Variants in NCAM1 observed in about 807,000 individuals in gnomAD.
NCAM1 encodes neural cell adhesion molecule 1, also known as antigen recognized by monoclonal antibody 5.1H11.
NCAM1 carries 14 observed loss-of-function variants against 109.8 expected under a neutral mutation model. The observed-to-expected ratio is 0.13, with a 90% CI of 0.08 to 0.20. The LOEUF (loss-of-function observed/expected upper bound fraction) is 0.20. Ranked by LOEUF, NCAM1 falls within the 10% of genes least tolerant of loss-of-function variation. The pLI is 1.00. For synonymous variants in NCAM1, 418 were observed against 442.9 expected, an observed-to-expected ratio of 0.94 and a Z score of 0.70; for missense variants, 774 against 1,109.9, an observed-to-expected ratio of 0.70 and a Z score of 4.30.
intron 19 of NCAM1, chr11:113,272,873 G>A (rs996449728): frequency 7.7e-5 from 35 of 454,744 alleles, no homozygotes; most frequent in African/African-American, 3.4e-4. Context: ...CCTCCTCCTC[G>A]CTTCTCTGTC....
intron 1 of NCAM1, among the ~76,000 whole-genome samples, chr11:113,142,643 C>T (rs138235768): frequency 1.1e-3 from 163 of 152,270 alleles, no homozygotes; most frequent in Middle Eastern, 6.8e-3. Context: ...CTACCTTTGA[C>T]TGCAGTCCCC....
chr11:113,152,521 A>G (rs1009641766), intron 1 of NCAM1, among the ~76,000 whole-genome samples: 3 of 152,266 alleles, frequency 2.0e-5, no homozygotes, highest in Non-Finnish European at 4.4e-5. Flanking sequence ...TTGCCTTGGC[A>G]GGTAAGCACT....
intron 1 of NCAM1, among the ~76,000 whole-genome samples, chr11:113,093,147 G>A (rs912559407): frequency 6.6e-6 from 1 of 152,188 alleles, no homozygotes; most frequent in Non-Finnish European, 1.5e-5. Flanking sequence ...GAGTATCCAA[G>A]AGTGCAGTTT....
intron 1 of NCAM1, among the ~76,000 whole-genome samples, chr11:113,060,512 G>A (rs1387462808): frequency 3.9e-5 from 6 of 152,154 alleles, no homozygotes; most frequent in Admixed American, 3.9e-4. Context: ...AGCTTATGAA[G>A]AATTCTAGCT....
At chr11:112,974,391 G>A (rs570126694) in intron 1 of NCAM1, among the ~76,000 whole-genome samples, 1 of 151,962 alleles carries the variant, frequency 6.6e-6, no homozygotes, top group Non-Finnish European at 1.5e-5. Context: ...TTAGTAAAGA[G>A]TGAGACCCTG....
At chr11:112,992,701 G>T (rs1265020547) in intron 1 of NCAM1, among the ~76,000 whole-genome samples, 1 of 151,804 alleles carries the variant, frequency 6.6e-6, no homozygotes, top group Non-Finnish European at 1.5e-5. Context: ...TAGAGACGGG[G>T]TTTCACTGCA....
intron 1 of NCAM1, among the ~76,000 whole-genome samples, chr11:113,056,026 A>ATATAT (rs1953700739): frequency 3.3e-5 from 4 of 120,618 alleles, no homozygotes; most frequent in Non-Finnish European, 5.3e-5. Flanking sequence ...TATATATATA[A>ATATAT]AATATATATA....
At chr11:113,138,018 AG>A (rs35735722) in intron 1 of NCAM1, among the ~76,000 whole-genome samples, 1,627 of 151,516 alleles carry the variant, frequency 0.011, 22 homozygotes, top group African/African-American at 0.033. Context: ...GCTTTACCCT[AG>A]GGAAAAAAAA....
intron 1 of NCAM1, among the ~76,000 whole-genome samples, chr11:113,089,910 G>C (rs1939263380): frequency 6.6e-6 from 1 of 152,146 alleles, no homozygotes. Context: ...AAAGTAATTG[G>C]AAAGGTTCTT....
intron 1 of NCAM1, among the ~76,000 whole-genome samples, chr11:112,997,205 A>G (rs1951618295): frequency 6.6e-6 from 1 of 152,166 alleles, no homozygotes; most frequent in East Asian, 1.9e-4. Context: ...GTGTTACTGA[A>G]CACTGTCTGG....
At chr11:113,098,374 A>G (rs1246933250) in intron 1 of NCAM1, among the ~76,000 whole-genome samples, 2 of 152,214 alleles carry the variant, frequency 1.3e-5, no homozygotes, top group Admixed American at 1.3e-4. Context: ...TGATTGAATC[A>G]TCTCTAGATT....
intron 1 of NCAM1, among the ~76,000 whole-genome samples, chr11:113,079,730 C>T (rs1432753985): frequency 6.6e-6 from 1 of 152,118 alleles, no homozygotes; most frequent in Non-Finnish European, 1.5e-5. Flanking sequence ...TACCCTAGCA[C>T]CTTCAACTCA....
At chr11:113,175,955 T>C (rs542506494) in intron 1 of NCAM1, among the ~76,000 whole-genome samples, 1 of 152,218 alleles carries the variant, frequency 6.6e-6, no homozygotes, top group Admixed American at 6.5e-5. Flanking sequence ...GATTTGATTA[T>C]GTGAATGTAT....
At chr11:113,149,020 G>A (rs1236351911) in intron 1 of NCAM1, among the ~76,000 whole-genome samples, 1 of 152,170 alleles carries the variant, frequency 6.6e-6, no homozygotes, top group Non-Finnish European at 1.5e-5. Context: ...TAACCAAAGT[G>A]GAACATCACT....
chr11:113,265,171 A>T, intron 17 of NCAM1: 4 of 985,068 alleles, frequency 4.1e-6, no homozygotes, highest in Non-Finnish European at 4.8e-6. Flanking sequence ...CCTTTGCATT[A>T]TTAAAGGAAA....
chr11:113,014,616 A>G (rs1952161655), intron 1 of NCAM1, among the ~76,000 whole-genome samples: 1 of 152,230 alleles, frequency 6.6e-6, no homozygotes, highest in African/African-American at 2.4e-5. Context: ...ACGTCAACAT[A>G]AGAGAAGTAG....
intron 1 of NCAM1, among the ~76,000 whole-genome samples, chr11:113,016,421 G>A (rs1555075274): frequency 1.3e-5 from 2 of 152,094 alleles, no homozygotes; most frequent in African/African-American, 4.8e-5. Flanking sequence ...ATTTTTTCTG[G>A]TGCTGCTCTC....
intron 1 of NCAM1, among the ~76,000 whole-genome samples, chr11:113,053,485 C>A (rs944432037): frequency 4.6e-5 from 7 of 152,304 alleles, no homozygotes; most frequent in African/African-American, 1.7e-4. Flanking sequence ...AATCACCACA[C>A]TGTCTTCCAC....
At chr11:113,205,782 C>T in intron 4 of NCAM1, 116 bp downstream of exon 4, 1 of 1,399,002 alleles carries the variant, frequency 7.1e-7, no homozygotes, top group Non-Finnish European at 9.7e-7. Flanking sequence ...CCCGAACCCT[C>T]ATGTGGTTTC....
Sources: gnomAD v4.1 joint callset for allele counts (sites outside exome capture counted in the v4.1 genomes callset) on GRCh38, gnomAD v4.1.1 for gene constraint, MANE v1.5 for transcripts, NCBI Gene and HGNC (gene_info 2026-07-23, HGNC 2026-07-21) for gene names.